Variants in OPRM1 observed in about 807,000 individuals in gnomAD.
OPRM1 encodes opioid receptor mu 1.
In OPRM1, 27 loss-of-function variants were observed where a neutral mutation model predicts 31.8. The observed-to-expected ratio is 0.85, with a 90% CI of 0.63 to 1.17. The LOEUF (loss-of-function observed/expected upper bound fraction) is 1.17, where lower values mean the gene tolerates loss of function less well. OPRM1 is among the 50% of genes most tolerant of loss of function. The pLI, the probability that OPRM1 is intolerant of heterozygous loss-of-function variation, is 0.00. For synonymous variants in OPRM1, 196 were observed against 189.9 expected (o/e 1.03, Z -0.26); for missense variants, 536 against 511.1 (o/e 1.05, Z -0.47).
chr6:154,038,226 A>G (rs17174629), upstream of OPRM1, among the ~76,000 whole-genome samples: 4,528 of 152,246 alleles, frequency 0.03, 210 homozygotes, highest in African/African-American at 0.1. Flanking sequence ...AGACCAACTG[A>G]GGACATGTAT....
chr6:154,022,039 G>A (rs963020311), intron 1 of OPRM1, among the ~76,000 whole-genome samples: 10 of 152,148 alleles, frequency 6.6e-5, no homozygotes, highest in East Asian at 1.9e-4. Context: ...GAAAGGAGAC[G>A]TCCTTGCCTT....
At chr6:154,195,455 A>G (rs1051513411) in intron 3 of OPRM1, among the ~76,000 whole-genome samples, 6 of 151,754 alleles carry the variant, frequency 4.0e-5, no homozygotes, top group Admixed American at 1.3e-4. Flanking sequence ...CCCAGCTACA[A>G]TAATTTTTCT....
downstream of OPRM1, among the ~76,000 whole-genome samples, chr6:154,132,985 G>A (rs969936380): frequency 7.9e-5 from 12 of 152,208 alleles, no homozygotes; most frequent in South Asian, 6.2e-4. Flanking sequence ...GCCGGGCATG[G>A]TGGCAGGCAC....
chr6:154,222,368 C>T (rs1778933694), intron 3 of OPRM1, among the ~76,000 whole-genome samples: 1 of 152,178 alleles, frequency 6.6e-6, no homozygotes, highest in African/African-American at 2.4e-5. Flanking sequence ...AGTTTACTAA[C>T]CTTGTTAAAA....
At chr6:154,116,996 G>A (rs148566388) in intron 3 of OPRM1, among the ~76,000 whole-genome samples, 22 of 152,244 alleles carry the variant, frequency 1.4e-4, no homozygotes, top group African/African-American at 5.3e-4. Flanking sequence ...AACCCAGAAT[G>A]TTCTCTCCAT....
At chr6:154,142,550 A>G (rs1027905246) in intron 3 of OPRM1, among the ~76,000 whole-genome samples, 4 of 152,148 alleles carry the variant, frequency 2.6e-5, no homozygotes, top group Non-Finnish European at 4.4e-5. Context: ...ATCCAAGGAA[A>G]GGGGCACTAG....
intron 3 of OPRM1, among the ~76,000 whole-genome samples, chr6:154,099,959 T>A (rs1794307380): frequency 7.0e-6 from 1 of 141,982 alleles, no homozygotes; most frequent in African/African-American, 2.6e-5. Flanking sequence ...AACATATATA[T>A]TATCATATTA....
chr6:154,081,488 A>G (rs1789138141), intron 1 of OPRM1, among the ~76,000 whole-genome samples: 1 of 152,216 alleles, frequency 6.6e-6, no homozygotes, highest in Admixed American at 6.5e-5. Flanking sequence ...CCTGGGCAAC[A>G]GAGTGAGACT....
intron 1 of OPRM1, among the ~76,000 whole-genome samples, chr6:154,032,844 A>G (rs570993915): frequency 1.3e-5 from 2 of 152,344 alleles, no homozygotes; most frequent in South Asian, 2.1e-4. Flanking sequence ...TAAGAGAACT[A>G]TGATTGGATA....
chr6:154,139,529 G>A (rs1375536408), intron 3 of OPRM1, among the ~76,000 whole-genome samples: 1 of 152,166 alleles, frequency 6.6e-6, no homozygotes, highest in Admixed American at 6.5e-5. Flanking sequence ...CCCAAGGATG[G>A]AGCAATCAAC....
chr6:154,205,632 T>A (rs980473657), intron 3 of OPRM1, among the ~76,000 whole-genome samples: 1 of 152,124 alleles, frequency 6.6e-6, no homozygotes, highest in East Asian at 1.9e-4. Flanking sequence ...AACACATTAA[T>A]TTATTATGTA....
chr6:154,187,322 G>A (rs928882891), intron 3 of OPRM1, among the ~76,000 whole-genome samples: 10 of 152,108 alleles, frequency 6.6e-5, no homozygotes, highest in East Asian at 3.9e-4. Context: ...AACAACCACC[G>A]AATCTATCAT....
At chr6:154,084,876 A>T (rs1195044945) in intron 1 of OPRM1, among the ~76,000 whole-genome samples, 4 of 151,754 alleles carry the variant, frequency 2.6e-5, no homozygotes, top group Non-Finnish European at 5.9e-5. Context: ...GAACTTATGA[A>T]AAAGGTAGTT....
chr6:154,091,923 A>C (rs1792342656), intron 3 of OPRM1: 2 of 987,726 alleles, frequency 2.0e-6, no homozygotes, highest in African/African-American at 3.5e-5. Context: ...CACTGTGGTC[A>C]TGGATGCAAG....
At chr6:154,043,608 TATG>T (rs1780519754) in intron 1 of OPRM1, among the ~76,000 whole-genome samples, 1 of 151,880 alleles carries the variant, frequency 6.6e-6, no homozygotes, top group Admixed American at 6.6e-5. Context: ...TGTCACTAAA[TATG>T]ATCATTAGTA....
chr6:154,243,689 G>C (rs1287487111), intron 3 of OPRM1, among the ~76,000 whole-genome samples: 2 of 152,216 alleles, frequency 1.3e-5, no homozygotes, highest in African/African-American at 4.8e-5. Flanking sequence ...GGTCTTAATT[G>C]TGTCATGTAT....
At chr6:154,019,747 CTTTTT>C (rs373120574) in intron 1 of OPRM1, among the ~76,000 whole-genome samples, 1 of 122,012 alleles carries the variant, frequency 8.2e-6, no homozygotes, top group East Asian at 2.3e-4. Flanking sequence ...CTTTTCTTTT[CTTTTT>C]TTTTTTTTTT....
At chr6:154,182,524 C>G (rs1800974429) in intron 3 of OPRM1, among the ~76,000 whole-genome samples, 1 of 151,800 alleles carries the variant, frequency 6.6e-6, no homozygotes, top group Non-Finnish European at 1.5e-5. Context: ...ATAGGAGCAC[C>G]CAGGATTAGG....
chr6:154,072,655 G>T (rs889640004), intron 1 of OPRM1, among the ~76,000 whole-genome samples: 2 of 152,172 alleles, frequency 1.3e-5, no homozygotes, highest in Admixed American at 1.3e-4. Flanking sequence ...GAAAATGACA[G>T]AAAAATTCTT....
Sources: allele counts gnomAD v4.1 joint callset (sites outside exome capture counted in the v4.1 genomes callset), GRCh38; gene constraint gnomAD v4.1.1; transcripts MANE v1.5; gene names NCBI Gene and HGNC (gene_info 2026-07-23, HGNC 2026-07-21).